CALN1: variants seen among roughly 807,000 people sequenced by gnomAD.
The protein encoded by CALN1 is calcium-binding protein 8.
Under a neutral mutation model 30.6 loss-of-function variants are expected in CALN1, and 17 were observed. That is an observed-to-expected ratio of 0.56 (90% CI 0.38 to 0.83). CALN1 has a LOEUF of 0.83. CALN1 is among the 40% of genes least tolerant of loss of function. The pLI, the probability that CALN1 is intolerant of heterozygous loss-of-function variation, is 0.00. For synonymous variants in CALN1, 156 were observed against 131.4 expected (o/e 1.19, Z -1.28); for missense variants, 291 against 354.9 (o/e 0.82, Z 1.45).
At chr7:72,148,231 C>G (rs560526915) in intron 3 of CALN1, among the ~76,000 whole-genome samples, 1 of 149,580 alleles carries the variant, frequency 6.7e-6, no homozygotes, top group African/African-American at 2.5e-5. Flanking sequence ...GTGCCCATCC[C>G]ACAGTAATGA....
In CALN1 at chr7:72,292,702, T is replaced by A. The variant is rs547553003; in HGVS notation, c.120-13892A>T. On this transcript the variant is annotated intron_variant, in intron 2 of 6. Transcript: ENST00000395275. Reference sequence around the variant, plus strand: ...CAGGCATGGTGGCGCATGCTTGTAATCCCAGCTACTCGGGAGGCTGAGGCA... The same window carrying A: ...CAGGCATGGTGGCGCATGCTTGTAAACCCAGCTACTCGGGAGGCTGAGGCA... Among the ~76,000 whole-genome samples, 3 of 150,022 alleles carry A rather than the reference T, an allele frequency of 2.0e-5. 1 individual carries two copies. The highest frequency in any genetic ancestry group is 1.3e-4 in the Admixed American group (2 of 15,016).
rs529020883 is a variant in CALN1, at chr7:72,272,016, C to G, written c.244+6670G>C. The stretch of plus-strand genomic sequence containing the variant: ...GGCAGAGGTTGCAGTGAGCTGAGAT[C>G]GTGCCACCGCACTCCACCCTGGGTG... On this transcript the variant is annotated intron_variant, in intron 3 of 6. Coordinates refer to ENST00000395275, the MANE Select transcript of CALN1 (RefSeq NM_031468.4). 3.4e-5 allele frequency among the ~76,000 whole-genome samples: 5 copies of G among 148,480 alleles called. No individual in the cohort carries two copies. The East Asian group carries it at 1.0e-3, about 30-fold the overall frequency.
chr7:72,341,042 T>C (rs1178781612), intron 2 of CALN1, among the ~76,000 whole-genome samples: 1 of 152,194 alleles, frequency 6.6e-6, no homozygotes, highest in Admixed American at 6.5e-5. Flanking sequence ...AACGAATTCA[T>C]ACAGAAGGTA....
chr7:71,921,550 T>C (rs1425176854), intron 5 of CALN1, among the ~76,000 whole-genome samples: 4 of 152,116 alleles, frequency 2.6e-5, no homozygotes, highest in Admixed American at 2.0e-4. Flanking sequence ...ACCACCTTAA[T>C]ACATATATTA....
chr7:71,949,950 G>C (rs1222035793), intron 5 of CALN1, among the ~76,000 whole-genome samples: 1 of 152,034 alleles, frequency 6.6e-6, no homozygotes, highest in Non-Finnish European at 1.5e-5. Context: ...TTTTAGTAGA[G>C]ACGGGGTTTC....
intron 5 of CALN1, among the ~76,000 whole-genome samples, chr7:71,880,542 T>C (rs542665101): frequency 6.6e-6 from 1 of 152,264 alleles, no homozygotes; most frequent in South Asian, 2.1e-4. Context: ...TCTGGTTCTA[T>C]GCTGATGACC....
intron 3 of CALN1, among the ~76,000 whole-genome samples, chr7:72,234,054 A>G (rs962866874): frequency 6.6e-6 from 1 of 152,206 alleles, no homozygotes; most frequent in Non-Finnish European, 1.5e-5. Flanking sequence ...AGCTAGAAAA[A>G]GAGAAACAAA....
At chr7:72,384,796 A>G (rs1461773467) in intron 2 of CALN1, among the ~76,000 whole-genome samples, 3 of 151,814 alleles carry the variant, frequency 2.0e-5, no homozygotes, top group Non-Finnish European at 2.9e-5. Flanking sequence ...TTATCCCTGA[A>G]AGAAAAAAAA....
At chr7:72,285,473 G>A (rs949635365) in intron 2 of CALN1, among the ~76,000 whole-genome samples, 2 of 152,238 alleles carry the variant, frequency 1.3e-5, no homozygotes, top group Non-Finnish European at 2.9e-5. Context: ...TCGATCTCCT[G>A]ACCTTGTGAT....
At chr7:72,355,444 T>C (rs1803167849) in intron 2 of CALN1, among the ~76,000 whole-genome samples, 1 of 152,132 alleles carries the variant, frequency 6.6e-6, no homozygotes, top group Non-Finnish European at 1.5e-5. Context: ...GAGAATTGCT[T>C]GAACCCAGGA....
chr7:72,415,666 C>A (rs1807398481), upstream of CALN1, among the ~76,000 whole-genome samples: 1 of 152,220 alleles, frequency 6.6e-6, no homozygotes, highest in African/African-American at 2.4e-5. Context: ...CTGAACCAGG[C>A]CTGTGAGCCA....
At chr7:72,093,642 G>A (rs1325443425) in intron 4 of CALN1, among the ~76,000 whole-genome samples, 2 of 152,146 alleles carry the variant, frequency 1.3e-5, no homozygotes, top group East Asian at 3.9e-4. Context: ...TACCAGGACT[G>A]CCAGCTGGGA....
chr7:72,258,096 T>G (rs1018856074), intron 3 of CALN1, among the ~76,000 whole-genome samples: 2 of 150,300 alleles, frequency 1.3e-5, no homozygotes, highest in East Asian at 1.9e-4. Context: ...AACCCACCTG[T>G]ACCTCAAAAA....
intron 2 of CALN1, among the ~76,000 whole-genome samples, chr7:72,295,185 G>C (rs970732619): frequency 1.1e-4 from 16 of 151,858 alleles, no homozygotes; most frequent in African/African-American, 3.9e-4. Flanking sequence ...TAAAATAGAA[G>C]CCAAAATTGA....
At chr7:72,276,045 G>A (rs1001427355) in intron 3 of CALN1, among the ~76,000 whole-genome samples, 1 of 152,212 alleles carries the variant, frequency 6.6e-6, no homozygotes, top group Non-Finnish European at 1.5e-5. Flanking sequence ...TGGGAAGGAG[G>A]AAGGGGGGAG....
chr7:71,807,469 C>T (rs554541947), intron 6 of CALN1, among the ~76,000 whole-genome samples: 5 of 152,258 alleles, frequency 3.3e-5, no homozygotes, highest in East Asian at 3.9e-4. Context: ...CACAAATCAA[C>T]GAGCTTGTGT....
At chr7:71,825,546 G>T (rs969820092) in intron 5 of CALN1, among the ~76,000 whole-genome samples, 3 of 152,026 alleles carry the variant, frequency 2.0e-5, no homozygotes, top group Admixed American at 6.6e-5. Flanking sequence ...CACATGGCTG[G>T]GGAGGCCTCT....
At chr7:72,439,329 G>A (rs1337590213) in intron 1 of CALN1, among the ~76,000 whole-genome samples, 1 of 152,170 alleles carries the variant, frequency 6.6e-6, no homozygotes, top group Admixed American at 6.5e-5. Context: ...ACTATGCCCA[G>A]TCACATATGA....
At chr7:72,068,590 C>CA (rs753425642) in intron 4 of CALN1, among the ~76,000 whole-genome samples, 10 of 152,142 alleles carry the variant, frequency 6.6e-5, no homozygotes, top group Non-Finnish European at 1.5e-4. Context: ...TGGGTTCAAG[C>CA]AATTCTCCTG....
Sources: gnomAD v4.1 joint callset for allele counts (sites outside exome capture counted in the v4.1 genomes callset) on GRCh38, gnomAD v4.1.1 for gene constraint, MANE v1.5 for transcripts, NCBI Gene and HGNC (gene_info 2026-07-23, HGNC 2026-07-21) for gene names.